RABEP2: variants seen among roughly 807,000 people sequenced by gnomAD.
The protein encoded by RABEP2 is rab GTPase-binding effector protein 2.
A neutral mutation model predicts 74.1 loss-of-function variants in RABEP2; 57 were observed. The observed-to-expected ratio is 0.77, with a 90% CI of 0.62 to 0.96. RABEP2 has a LOEUF of 0.96. Ranked by LOEUF, RABEP2 falls within the 40% of genes least tolerant of loss-of-function variation. RABEP2 has a pLI of 0.00. For synonymous variants in RABEP2, 351 were observed against 344.0 expected (o/e 1.02, Z -0.23); for missense variants, 692 against 756.3 (o/e 0.91, Z 1.00).
chr16:28,914,181 A>C, intron 5 of RABEP2, 55 bp downstream of exon 5: 1 of 1,411,218 alleles, frequency 7.1e-7, no homozygotes, highest in Non-Finnish European at 9.5e-7. Flanking sequence ...GTGCGGGGGA[A>C]GCATCCAGCA....
chr16:28,905,356 A>C, intron 12 of RABEP2, 41 bp downstream of exon 12: 1 of 1,458,010 alleles, frequency 6.9e-7, no homozygotes, highest in Non-Finnish European at 9.5e-7. Flanking sequence ...GGTCACCCGG[A>C]GTGGAGCCAG....
In RABEP2 at chr16:28,905,050, G is replaced by C; in HGVS notation, c.1609-6C>G. On this transcript the variant is annotated splice_region_variant and splice_polypyrimidine_tract_variant and intron_variant, in intron 12 of 12. Coordinates refer to ENST00000358201, the MANE Select transcript of RABEP2 (RefSeq NM_024816.3). ...CGGATCCGCTCTAGGCGCACCTGCC[G>C]GATCGGACGAGGGGAGCAGAGTGCA... 2 of 1,598,060 alleles carry C rather than the reference G, an allele frequency of 1.3e-6. No individual in the cohort carries two copies. The highest frequency in any genetic ancestry group is 2.7e-5 in the African/African-American group (2 of 74,866).
chr16:28,924,624 G>C lies in RABEP2; in HGVS notation c.62-9C>G, dbSNP rs760868273. The C allele has an allele frequency of 6.2e-7, 1 of 1,606,076 alleles. No homozygotes were observed. Among genetic ancestry groups the C allele is most frequent in the South Asian group, 1.1e-5 (1 of 91,050 alleles). ...CCGGGAGTCCTCCAGTGCTGTGGGGGACAGGGATCAGCCTCTCTTCCCATC... is the reference window on the plus strand; with the variant it reads ...CCGGGAGTCCTCCAGTGCTGTGGGGCACAGGGATCAGCCTCTCTTCCCATC... On this transcript the variant is annotated splice_polypyrimidine_tract_variant and intron_variant, in intron 1 of 12. Coordinates refer to ENST00000358201, the MANE Select transcript of RABEP2 (RefSeq NM_024816.3).
chr16:28,910,621 G>T, intron 7 of RABEP2: 2 of 395,916 alleles, frequency 5.1e-6, no homozygotes, highest in Non-Finnish European at 9.2e-6. Flanking sequence ...GGCCCATTAT[G>T]TCAGTTTTAT....
intron 2 of RABEP2, among the ~76,000 whole-genome samples, chr16:28,922,760 G>A (rs1401587861): frequency 6.6e-6 from 1 of 152,002 alleles, no homozygotes; most frequent in Non-Finnish European, 1.5e-5. Context: ...CACGTGTGGT[G>A]GCACACGCCT....
At chr16:28,912,945 C>A (rs578015363) in intron 5 of RABEP2, among the ~76,000 whole-genome samples, 1 of 152,146 alleles carries the variant, frequency 6.6e-6, no homozygotes, top group East Asian at 1.9e-4. Context: ...GTTCCTTGTG[C>A]CCCGGTTTTT....
intron 2 of RABEP2, among the ~76,000 whole-genome samples, chr16:28,923,225 T>A (rs988466586): frequency 6.6e-6 from 1 of 151,996 alleles, no homozygotes; most frequent in Non-Finnish European, 1.5e-5. Context: ...CTGGGTAACA[T>A]AGAGAGACCC....
chr16:28,922,197 C>A (rs1324181405), intron 2 of RABEP2, among the ~76,000 whole-genome samples: 1 of 152,182 alleles, frequency 6.6e-6, no homozygotes, highest in African/African-American at 2.4e-5. Context: ...GATCCTCCCA[C>A]CTGAGTAACA....
chr16:28,906,287 G>A (rs1002715476), intron 8 of RABEP2, 91 bp from the exon 9 acceptor site: 67 of 1,420,352 alleles, frequency 4.7e-5, no homozygotes, highest in Admixed American at 4.1e-4. Flanking sequence ...CGGGAGGAAC[G>A]GGGAAGGAAG....
At position 28,914,487 on chromosome 16, in the gene RABEP2, C is replaced by G; in HGVS notation, c.643G>C (p.Gly215Arg). ...PPLEPLEELS[G>R]DGGPAAEAFA... ...GCCTCAGCGGCTGGACCCCCATCTC[C>G]GCTCAGCTCCTCCAGAGGCTCCAGC... Residue 215 changes from glycine to arginine, a missense_variant, in exon 5 of 13, where the codon GGA becomes CGA. Gly to Arg is a moderately radical substitution (Grantham distance 125). Transcript: ENST00000358201. 2.5e-6 allele frequency: 4 copies of G among 1,613,212 alleles called. No homozygotes were observed. The highest frequency in any genetic ancestry group is 3.4e-6 in the Non-Finnish European group (4 of 1,179,792).
chr16:28,904,994 G>A lies in RABEP2; in HGVS notation c.1659C>T (p.Ser553=), dbSNP rs1964201757. The A allele has an allele frequency of 6.2e-7, 1 of 1,612,374 alleles. No homozygotes were observed. Among genetic ancestry groups the A allele is most frequent in the Non-Finnish European group, 8.5e-7 (1 of 1,179,804 alleles). Residue 553 remains serine, a synonymous_variant, in exon 13 of 13, where the codon AGC becomes AGT. Coordinates refer to ENST00000358201, the MANE Select transcript of RABEP2 (RefSeq NM_024816.3). ...RQAETLEQVR[S]IMDEAPLTDV... ...CCGTGAGTGGCGCCTCATCCATGAT[G>A]CTGCGCACTTGCTCCAGGGTCTCAG...
intron 8 of RABEP2, among the ~76,000 whole-genome samples, chr16:28,907,152 T>C (rs1415694290): frequency 7.2e-6 from 1 of 139,064 alleles, no homozygotes; most frequent in Non-Finnish European, 1.5e-5. Flanking sequence ...TTTTTTTGTT[T>C]TTTGCCTTTG....
chr16:28,906,149 C>A lies in RABEP2; in HGVS notation c.1293G>T (p.Arg431=). The A allele has an allele frequency of 6.3e-7, 1 of 1,586,564 alleles. No individual in the cohort carries two copies. The highest frequency in any genetic ancestry group is 1.1e-5 in the South Asian group (1 of 88,054). Reference sequence around the variant, plus strand: ...CGGCCCCGTGCTCCTGGGCCTGCAGCCGGGCCCTCGCCTCTTGCCGCGTGC... The same window carrying A: ...CGGCCCCGTGCTCCTGGGCCTGCAGACGGGCCCTCGCCTCTTGCCGCGTGC... ...LCCTRQEARA[R]LQAQEHGAER... The change falls in exon 9 of 13, where the codon CGG becomes CGT. Residue 431 remains arginine, a synonymous_variant. Coordinates refer to ENST00000358201, the MANE Select transcript of RABEP2 (RefSeq NM_024816.3).
At chr16:28,908,534 C>A (rs2152218713) in intron 8 of RABEP2, 75 bp downstream of exon 8, 1 of 1,477,194 alleles carries the variant, frequency 6.8e-7, no homozygotes, top group Non-Finnish European at 9.0e-7. Context: ...CTGGTCGTGA[C>A]CAACGCTCTG....
chr16:28,916,596 C>T (rs926494854), intron 3 of RABEP2, among the ~76,000 whole-genome samples: 4 of 146,522 alleles, frequency 2.7e-5, no homozygotes, highest in Non-Finnish European at 4.5e-5. Context: ...CACTTGAACC[C>T]GGGAGGTGGA....
chr16:28,907,946 C>A (rs1280187585), intron 8 of RABEP2, among the ~76,000 whole-genome samples: 1 of 152,122 alleles, frequency 6.6e-6, no homozygotes, highest in African/African-American at 2.4e-5. Context: ...ATTACAGGTG[C>A]CCGCCACCAC....
chr16:28,911,885 G>T (rs886210391), intron 5 of RABEP2, among the ~76,000 whole-genome samples: 1 of 151,956 alleles, frequency 6.6e-6, no homozygotes, highest in East Asian at 1.9e-4. Flanking sequence ...AAAGACAGAG[G>T]TTGCAGTGAG....
At position 28,904,503 on chromosome 16, in the gene RABEP2, C is replaced by T. The variant is rs114173613; in HGVS notation, c.*440G>A. 8.8e-3 allele frequency: 13,131 copies of T among 1,484,182 alleles called. 390 individuals are homozygous for T. In the East Asian group the frequency reaches 0.12, roughly 14 times the overall value. 91.9% of individuals were successfully genotyped at this position (1,484,182 alleles called of 1,614,324 possible). A position where few individuals can be genotyped will look rare whatever the true frequency, so the allele number is the denominator to read the frequency against. ...GTGCAAGCTTGGAGGCCTGGGTCGC[C>T]GCTGTGGACAAGCGTCTTAGTGTCA... On this transcript the variant is annotated 3_prime_UTR_variant, in exon 13 of 13. Coordinates refer to ENST00000358201, the MANE Select transcript of RABEP2 (RefSeq NM_024816.3).
chr16:28,914,996 C>T lies in RABEP2; in HGVS notation c.433-214G>A, dbSNP rs1481575964. Among the ~76,000 whole-genome samples the T allele has an allele frequency of 3.3e-5, 5 of 150,942 alleles. No homozygotes were observed. The Admixed American group carries it at 3.3e-4, about 10-fold the overall frequency. On this transcript the variant is annotated intron_variant, in intron 3 of 12. Transcript: ENST00000358201. ...GCAAGGATGAAGGTCACGACTTCTT[C>T]CTGTGGTCCCGTCACTCACCATGTC... is the stretch of plus-strand genomic sequence containing the variant.
Sources: allele counts gnomAD v4.1 joint callset (sites outside exome capture counted in the v4.1 genomes callset), GRCh38; gene constraint gnomAD v4.1.1; transcripts MANE v1.5; gene names NCBI Gene and HGNC (gene_info 2026-07-23, HGNC 2026-07-21).